ARHGAP42: variants seen among roughly 807,000 people sequenced by gnomAD.
ARHGAP42 encodes Rho GTPase activating protein 42.
In ARHGAP42, 63 loss-of-function variants were observed where a neutral mutation model predicts 125.0. The ratio of observed to expected loss-of-function variants is 0.50; its 90% CI spans 0.41 to 0.62. The LOEUF (loss-of-function observed/expected upper bound fraction) is 0.62, where lower values mean the gene tolerates loss of function less well. Ranked by LOEUF, ARHGAP42 falls within the 20% of genes least tolerant of loss-of-function variation. ARHGAP42 has a pLI of 0.00. For synonymous variants in ARHGAP42, 339 were observed against 351.0 expected (o/e 0.97, Z 0.38); for missense variants, 766 against 1,024.2 (o/e 0.75, Z 3.44).
intron 3 of ARHGAP42, among the ~76,000 whole-genome samples, chr11:100,814,525 T>C (rs1032811940): frequency 2.6e-5 from 4 of 152,140 alleles, no homozygotes; most frequent in Non-Finnish European, 4.4e-5. Context: ...GGGTAATTTA[T>C]AAAGATAAGA....
At chr11:100,943,019 C>T (rs1419356142) in intron 9 of ARHGAP42, among the ~76,000 whole-genome samples, 2 of 152,034 alleles carry the variant, frequency 1.3e-5, no homozygotes, top group Non-Finnish European at 2.9e-5. Context: ...TTAACATAGA[C>T]TGGCATCTCA....
chr11:100,728,812 A>G (rs1227821517), intron 1 of ARHGAP42, among the ~76,000 whole-genome samples: 1 of 145,346 alleles, frequency 6.9e-6, no homozygotes, highest in Non-Finnish European at 1.5e-5. Flanking sequence ...TCTGTCTCCC[A>G]GGCTGGAATG....
At chr11:100,704,289 G>C (rs1476554310) in intron 1 of ARHGAP42, among the ~76,000 whole-genome samples, 1 of 152,214 alleles carries the variant, frequency 6.6e-6, no homozygotes, top group East Asian at 1.9e-4. Context: ...TTAAAAAGGA[G>C]CTCAGGCCCG....
intron 10 of ARHGAP42, among the ~76,000 whole-genome samples, chr11:100,945,886 A>G (rs1458359361): frequency 1.3e-5 from 2 of 152,056 alleles, no homozygotes; most frequent in African/African-American, 4.8e-5. Flanking sequence ...AACCTCTAAC[A>G]AGAGTCAGCC....
chr11:100,895,429 G>A (rs1384076187), intron 4 of ARHGAP42, among the ~76,000 whole-genome samples: 1 of 151,492 alleles, frequency 6.6e-6, no homozygotes, highest in African/African-American at 2.4e-5. Flanking sequence ...TGGAAATTGG[G>A]CCTTAGAAAA....
intron 3 of ARHGAP42, among the ~76,000 whole-genome samples, chr11:100,834,972 G>A (rs770826473): frequency 2.6e-4 from 39 of 150,554 alleles, no homozygotes; most frequent in Non-Finnish European, 5.5e-4. Flanking sequence ...ATAAATGTAT[G>A]TTGATGATTT....
intron 4 of ARHGAP42, among the ~76,000 whole-genome samples, chr11:100,872,127 G>A (rs1469331266): frequency 6.6e-6 from 1 of 152,120 alleles, no homozygotes; most frequent in Non-Finnish European, 1.5e-5. Context: ...CAGTGTTCTT[G>A]TTGTAATTTA....
At chr11:100,765,583 T>C (rs2134981117) in intron 1 of ARHGAP42, among the ~76,000 whole-genome samples, 1 of 152,308 alleles carries the variant, frequency 6.6e-6, no homozygotes, top group African/African-American at 2.4e-5. Flanking sequence ...GTAGTAGGTA[T>C]TGTTGTTATT....
intron 3 of ARHGAP42, among the ~76,000 whole-genome samples, chr11:100,851,311 C>T (rs1362807275): frequency 6.6e-6 from 1 of 152,170 alleles, no homozygotes; most frequent in East Asian, 1.9e-4. Context: ...ATTCATGGTG[C>T]ATGCCATTTA....
At position 100,992,755 on chromosome 11, in the gene ARHGAP42, C is replaced by G. The variant is rs774335734; in HGVS notation, c.*3954C>G. ...TGGATTTTTTATTTTTTGAGGGCAGCTGCCCTCACTGTTTTAAATAAAGAA... is the reference window on the plus strand; with the variant it reads ...TGGATTTTTTATTTTTTGAGGGCAGGTGCCCTCACTGTTTTAAATAAAGAA... On this transcript the variant is annotated 3_prime_UTR_variant, in exon 24 of 24. Coordinates refer to ENST00000298815, the MANE Select transcript of ARHGAP42 (RefSeq NM_152432.4). 6 of 1,497,648 alleles carry G rather than the reference C, an allele frequency of 4.0e-6. No homozygotes were observed. Among genetic ancestry groups the G allele is most frequent in the Non-Finnish European group, 5.4e-6 (6 of 1,116,356 alleles). 92.8% of individuals were successfully genotyped at this position (1,497,648 alleles called of 1,614,324 possible).
At chr11:100,689,258 A>G (rs1861146000) in intron 1 of ARHGAP42, among the ~76,000 whole-genome samples, 1 of 152,180 alleles carries the variant, frequency 6.6e-6, no homozygotes, top group African/African-American at 2.4e-5. Flanking sequence ...ACCCTACATA[A>G]ACACTAATGT....
At chr11:100,833,175 G>C (rs1335747346) in intron 3 of ARHGAP42, among the ~76,000 whole-genome samples, 1 of 152,140 alleles carries the variant, frequency 6.6e-6, no homozygotes, top group East Asian at 1.9e-4. Context: ...TCTCCAGAAT[G>C]GAAATTGAGG....
At chr11:100,945,380 C>T (rs578102) in intron 10 of ARHGAP42, among the ~76,000 whole-genome samples, 134,143 of 152,060 alleles carry the variant, frequency 0.88, 59,262 homozygotes, top group East Asian at 1. Context: ...CTTCCTCCCA[C>T]GAGGGACAAA....
intron 16 of ARHGAP42, among the ~76,000 whole-genome samples, chr11:100,965,393 T>C (rs1017531061): frequency 6.6e-6 from 1 of 151,976 alleles, no homozygotes; most frequent in Non-Finnish European, 1.5e-5. Flanking sequence ...AGGTGATGAG[T>C]TTTGGCTGTA....
At chr11:100,926,538 C>G (rs1398878188) in intron 6 of ARHGAP42, among the ~76,000 whole-genome samples, 2 of 152,164 alleles carry the variant, frequency 1.3e-5, no homozygotes, top group Non-Finnish European at 2.9e-5. Flanking sequence ...TAAGCAGAGA[C>G]AGAAAGTATA....
intron 17 of ARHGAP42, among the ~76,000 whole-genome samples, chr11:100,968,002 A>G (rs1858143366): frequency 6.6e-6 from 1 of 152,190 alleles, no homozygotes; most frequent in African/African-American, 2.4e-5. Context: ...GATTACAGGC[A>G]TGAGCCACCA....
intron 4 of ARHGAP42, among the ~76,000 whole-genome samples, chr11:100,867,546 G>A (rs951376384): frequency 1.3e-5 from 2 of 152,176 alleles, no homozygotes; most frequent in African/African-American, 2.4e-5. Context: ...GAATTGAAGC[G>A]AGTTAGGACC....
intron 5 of ARHGAP42, among the ~76,000 whole-genome samples, chr11:100,917,349 C>A (rs910759346): frequency 3.3e-5 from 5 of 152,050 alleles, no homozygotes; most frequent in Non-Finnish European, 5.9e-5. Context: ...GAAACCTCTT[C>A]TACTTTCACA....
intron 17 of ARHGAP42, among the ~76,000 whole-genome samples, chr11:100,972,440 A>T (rs911745800): frequency 3.9e-5 from 6 of 152,188 alleles, no homozygotes; most frequent in African/African-American, 1.4e-4. Flanking sequence ...CAAGCCAGCA[A>T]TGATGCTACC....
Sources: gnomAD v4.1 joint callset for allele counts (sites outside exome capture counted in the v4.1 genomes callset) on GRCh38, gnomAD v4.1.1 for gene constraint, MANE v1.5 for transcripts, NCBI Gene and HGNC (gene_info 2026-07-23, HGNC 2026-07-21) for gene names.